The following HSD17B7 variants were observed in gnomAD, a reference collection of about 807,000 sequenced individuals.
The protein encoded by HSD17B7 is hydroxysteroid 17-beta dehydrogenase 7, also known as 3-keto-steroid reductase/17-beta-hydroxysteroid dehydrogenase 7.
In HSD17B7, 17 loss-of-function variants were observed where a neutral mutation model predicts 34.1. The observed-to-expected ratio is 0.50, with a 90% CI of 0.34 to 0.75. The LOEUF is 0.75. Among genes scored for constraint, HSD17B7 ranks in the 30% least tolerant of loss-of-function variants. HSD17B7 has a pLI of 0.01. For synonymous variants in HSD17B7, 122 were observed against 154.6 expected (o/e 0.79, Z 1.56); for missense variants, 296 against 406.6 (o/e 0.73, Z 2.34).
chr1:162,808,455 T>A (rs936837450), intron 8 of HSD17B7, among the ~76,000 whole-genome samples: 4 of 152,208 alleles, frequency 2.6e-5, no homozygotes, highest in African/African-American at 9.6e-5. Context: ...ATGCGGGCCC[T>A]TTTTTGGTTC....
At chr1:162,809,592 G>C (rs994231308) in intron 8 of HSD17B7, among the ~76,000 whole-genome samples, 3 of 152,002 alleles carry the variant, frequency 2.0e-5, no homozygotes, top group African/African-American at 7.3e-5. Flanking sequence ...AATCCATCTG[G>C]TCCTGGGCTT....
chr1:162,790,845 C>T lies in HSD17B7; in HGVS notation c.35+10C>T, dbSNP rs775916271. ...TCACCGGGGCTAGCAGGTGAGGCCTCCTTTGGGTTGGCAGAGGCGGCAGCG... is the reference window on the plus strand; with the variant it reads ...TCACCGGGGCTAGCAGGTGAGGCCTTCTTTGGGTTGGCAGAGGCGGCAGCG... On this transcript the variant is annotated intron_variant, in intron 1 of 8. Coordinates refer to ENST00000254521, the MANE Select transcript of HSD17B7 (RefSeq NM_016371.4). 1.4e-5 allele frequency: 22 copies of T among 1,613,688 alleles called. 1 individual carries two copies. The highest frequency in any genetic ancestry group is 1.1e-4 in the African/African-American group (8 of 75,042).
Position 162,796,677 on chromosome 1 carries a change from G to C in HSD17B7, c.332G>C (p.Arg111Thr). The change falls in exon 3 of 9, where the codon AGA (arginine) becomes ACA (threonine). Residue 111 changes from arginine (R) to threonine (T), a missense_variant and splice_region_variant. Arg to Thr is a moderately conservative substitution (Grantham distance 71). Transcript: ENST00000254521. ...GCACTTTTCTTTGGCCTCTTTTCAA[G>C]GTAATTTTCGTTTTATGGATGAACT... ...IKALFFGLFS[R>T]KVIHMFSTAE... The C allele has an allele frequency of 6.3e-7, 1 of 1,583,734 alleles. No homozygotes were observed. The highest frequency in any genetic ancestry group is 8.7e-7 in the Non-Finnish European group (1 of 1,152,158).
Position 162,812,537 on chromosome 1 carries a change from G to A in HSD17B7, c.*117G>A. 1 of 867,386 alleles carries A rather than the reference G, an allele frequency of 1.2e-6. No individual in the cohort carries two copies. Among genetic ancestry groups the A allele is most frequent in the Non-Finnish European group, 1.7e-6 (1 of 582,786 alleles). 53.7% of individuals were successfully genotyped at this position (867,386 alleles called of 1,614,324 possible). On this transcript the variant is annotated 3_prime_UTR_variant, in exon 9 of 9. Coordinates refer to ENST00000254521, the MANE Select transcript of HSD17B7 (RefSeq NM_016371.4). ...AAAAAGAAATAAAAATAATAGCTGGGTGTGGTGGCATGCGCATGTAGTCCC... is the reference window on the plus strand; with the variant it reads ...AAAAAGAAATAAAAATAATAGCTGGATGTGGTGGCATGCGCATGTAGTCCC...
Position 162,803,536 on chromosome 1 carries a change from G to A in HSD17B7, c.747+1G>A. The A allele has an allele frequency of 6.2e-7, 1 of 1,611,850 alleles. No individual in the cohort carries two copies. Among genetic ancestry groups the A allele is most frequent in the Non-Finnish European group, 8.5e-7 (1 of 1,178,344 alleles). On this transcript the variant is annotated splice_donor_variant, in intron 6 of 8. Transcript: ENST00000254521. LOFTEE classifies it high-confidence loss of function. Reference sequence around the variant, plus strand: ...GCTGTTGATGCCGGCAATATTGCTAGTAAGTGATGAATATACTTCTTTTCT... The same window carrying A: ...GCTGTTGATGCCGGCAATATTGCTAATAAGTGATGAATATACTTCTTTTCT...
chr1:162,803,566 T>C, intron 6 of HSD17B7, 31 bp downstream of exon 6: 1 of 1,604,898 alleles, frequency 6.2e-7, no homozygotes, highest in Middle Eastern at 1.7e-4. Context: ...TTTTCTTAAC[T>C]CATAAAAATC....
intron 2 of HSD17B7, chr1:162,795,478 G>T: frequency 5.8e-6 from 2 of 342,380 alleles, no homozygotes; most frequent in South Asian, 4.7e-5. Flanking sequence ...ATAGATAAAA[G>T]TTGGCAAATA....
chr1:162,802,832 G>C (rs1268280110), intron 5 of HSD17B7: 1 of 152,230 alleles, frequency 6.6e-6, no homozygotes, highest in African/African-American at 2.4e-5. Flanking sequence ...CTCTTTGTAG[G>C]GTGGAACTTT....
intron 8 of HSD17B7, among the ~76,000 whole-genome samples, 194 bp downstream of exon 8, chr1:162,805,686 G>A (rs1192936045): frequency 2.6e-5 from 4 of 152,160 alleles, no homozygotes; most frequent in Admixed American, 2.0e-4. Context: ...GACTTGAGCT[G>A]CTCTCAGCCT....
chr1:162,808,499 G>T (rs913982806), intron 8 of HSD17B7, among the ~76,000 whole-genome samples: 27 of 152,272 alleles, frequency 1.8e-4, no homozygotes, highest in Non-Finnish European at 3.1e-4. Context: ...TTCCAATTCT[G>T]TGAAGAAAGT....
At chr1:162,794,468 G>GA (rs538651183) in intron 2 of HSD17B7, among the ~76,000 whole-genome samples, 39 of 149,000 alleles carry the variant, frequency 2.6e-4, no homozygotes, top group African/African-American at 5.2e-4. Context: ...GCATCTTAAA[G>GA]AAAAAAAAAC....
At chr1:162,793,539 TTGG>T (rs1238281868) in intron 2 of HSD17B7, among the ~76,000 whole-genome samples, 1 of 152,028 alleles carries the variant, frequency 6.6e-6, no homozygotes, top group Non-Finnish European at 1.5e-5. Flanking sequence ...GATCGATCAG[TTGG>T]TGCTGGGATT....
At chr1:162,800,982 G>GC (rs1435854605) in intron 5 of HSD17B7, among the ~76,000 whole-genome samples, 1 of 152,000 alleles carries the variant, frequency 6.6e-6, no homozygotes, top group Non-Finnish European at 1.5e-5. Flanking sequence ...TTAGAATGAT[G>GC]CCCCCCTTTT....
chr1:162,795,041 T>C (rs1648556062), intron 2 of HSD17B7, among the ~76,000 whole-genome samples: 1 of 152,226 alleles, frequency 6.6e-6, no homozygotes, highest in African/African-American at 2.4e-5. Flanking sequence ...ACAGCCTTTT[T>C]TTTGAGATGG....
Position 162,805,477 on chromosome 1 carries a change from C to T in HSD17B7, c.888C>T (p.Tyr296=), listed in dbSNP as rs12563263. Residue 296 remains tyrosine (Y), a synonymous_variant, in exon 8 of 9, where the codon TAC becomes TAT. Coordinates refer to ENST00000254521, the MANE Select transcript of HSD17B7 (RefSeq NM_016371.4). ...CCACCACTGGCTTTGGAAGAAATTACATTATGACCCAGAAGGTAAATGTGC... is the reference window on the plus strand; with the variant it reads ...CCACCACTGGCTTTGGAAGAAATTATATTATGACCCAGAAGGTAAATGTGC... ...LSATTGFGRN[Y]IMTQKMDLDE... is the part of the protein sequence containing the mutation. 495,246 of 1,612,044 alleles carry T rather than the reference C, an allele frequency of 0.31. 79,382 individuals are homozygous for T. Among genetic ancestry groups the T allele is most frequent in the Non-Finnish European group, 0.34 (395,618 of 1,178,854 alleles).
At chr1:162,795,813 C>G in intron 2 of HSD17B7, 2 of 346,712 alleles carry the variant, frequency 5.8e-6, no homozygotes, top group Admixed American at 7.3e-5. Context: ...CTGCCTTGAA[C>G]CTAGTTCAAA....
Position 162,804,258 on chromosome 1 carries a change from T to A in HSD17B7, c.748-9T>A. The A allele has an allele frequency of 1.2e-6, 2 of 1,607,128 alleles. No individual in the cohort carries two copies. Among genetic ancestry groups the A allele is most frequent in the Non-Finnish European group, 1.7e-6 (2 of 1,176,410 alleles). On this transcript the variant is annotated splice_polypyrimidine_tract_variant and intron_variant, in intron 6 of 8. Coordinates refer to ENST00000254521, the MANE Select transcript of HSD17B7 (RefSeq NM_016371.4). ...CACCAAAAAATAACAGTTGTTTTCT[T>A]TTCCGCAGCTTCGCTTTTTTGCAAA...
intron 8 of HSD17B7, among the ~76,000 whole-genome samples, chr1:162,806,450 CAAG>C (rs1157710169): frequency 6.6e-6 from 1 of 152,182 alleles, no homozygotes; most frequent in Non-Finnish European, 1.5e-5. Context: ...AGAAGATTTG[CAAG>C]AAGCAGTTCC....
intron 8 of HSD17B7, among the ~76,000 whole-genome samples, chr1:162,806,189 C>T (rs955163409): frequency 6.6e-6 from 1 of 152,134 alleles, no homozygotes; most frequent in Non-Finnish European, 1.5e-5. Flanking sequence ...GTACTTTTGT[C>T]ATGCGTAAGG....
Sources: allele counts gnomAD v4.1 joint callset (sites outside exome capture counted in the v4.1 genomes callset), GRCh38; gene constraint gnomAD v4.1.1; transcripts MANE v1.5; gene names NCBI Gene and HGNC (gene_info 2026-07-23, HGNC 2026-07-21).